Variants in PCDHA6 observed in about 807,000 individuals in gnomAD.
The protein encoded by PCDHA6 is protocadherin alpha 6.
A neutral mutation model predicts 60.3 loss-of-function variants in PCDHA6; 55 were observed. The observed-to-expected ratio is 0.91, with a 90% CI of 0.73 to 1.14. The LOEUF (loss-of-function observed/expected upper bound fraction) is 1.14, where lower values mean the gene tolerates loss of function less well. PCDHA6 is among the 50% of genes most tolerant of loss of function. The pLI is 0.00. For synonymous variants in PCDHA6, 652 were observed against 557.9 expected (o/e 1.17, Z -2.38); for missense variants, 1,327 against 1,256.5 (o/e 1.06, Z -0.85).
Position 140,842,399 on chromosome 5 carries a change from C to T in PCDHA6, c.2394+11914C>T, listed in dbSNP as rs2150335315. The T allele has an allele frequency of 1.9e-5, 30 of 1,611,330 alleles. No individual in the cohort carries two copies. The South Asian group carries it at 3.2e-4, about 17-fold the overall frequency. Reference sequence around the variant, plus strand: ...ACTGACTTCCTTATCCTTGCCTGTACGTGAAGACGCTCAATTTGGTACTGT... The same window carrying T: ...ACTGACTTCCTTATCCTTGCCTGTATGTGAAGACGCTCAATTTGGTACTGT... On this transcript the variant is annotated intron_variant, in intron 1 of 3. Transcript: ENST00000529310.
intron 1 of PCDHA6, chr5:140,859,616 C>G (rs978716581): frequency 6.2e-6 from 1 of 162,228 alleles, no homozygotes; most frequent in Non-Finnish European, 1.3e-5. Flanking sequence ...TCTTTCCTTT[C>G]TCTTTGAGTA....
intron 1 of PCDHA6, among the ~76,000 whole-genome samples, chr5:140,832,018 A>G (rs1771809703): frequency 6.6e-6 from 1 of 152,212 alleles, no homozygotes; most frequent in Admixed American, 6.6e-5. Context: ...TTACGTAAAG[A>G]TTGAATTTTT....
intron 1 of PCDHA6, chr5:140,870,834 C>G: frequency 6.2e-7 from 1 of 1,613,806 alleles, no homozygotes; most frequent in Non-Finnish European, 8.5e-7. Context: ...GCGCAGTTAA[C>G]AAGCTAGTAC....
chr5:140,997,018 A>AT (rs1162959481), intron 3 of PCDHA6, among the ~76,000 whole-genome samples: 3 of 151,882 alleles, frequency 2.0e-5, no homozygotes, highest in Admixed American at 1.3e-4. Flanking sequence ...ATCCTCCAAT[A>AT]TTTTTTTGAA....
At chr5:140,900,941 C>T (rs1241522274) in intron 1 of PCDHA6, among the ~76,000 whole-genome samples, 1 of 152,140 alleles carries the variant, frequency 6.6e-6, no homozygotes, top group African/African-American at 2.4e-5. Flanking sequence ...TTTTGATTTG[C>T]ATTTCTCTGA....
intron 1 of PCDHA6, chr5:140,869,239 G>A: frequency 6.2e-7 from 1 of 1,613,652 alleles, no homozygotes; most frequent in Non-Finnish European, 8.5e-7. Context: ...CACCTTCGTG[G>A]GCCGCATCGC....
intron 1 of PCDHA6, among the ~76,000 whole-genome samples, chr5:140,844,191 G>A (rs1554140562): frequency 6.7e-6 from 1 of 149,410 alleles, no homozygotes; most frequent in South Asian, 2.1e-4. Flanking sequence ...CATCTTATCT[G>A]ACTTTTTAGT....
At chr5:141,005,939 C>A (rs1183397075) in intron 3 of PCDHA6, among the ~76,000 whole-genome samples, 2 of 151,786 alleles carry the variant, frequency 1.3e-5, no homozygotes, top group Non-Finnish European at 2.9e-5. Flanking sequence ...AGAGTGAGAA[C>A]CTATCTCTAA....
At chr5:140,849,935 G>T (rs2150458512) in intron 1 of PCDHA6, 2 of 1,597,924 alleles carry the variant, frequency 1.3e-6, no homozygotes, top group African/African-American at 2.7e-5. Context: ...TGTCTGCGCG[G>T]GACGCTGACG....
chr5:140,867,344 C>G (rs2049899948), intron 1 of PCDHA6: 1 of 152,034 alleles, frequency 6.6e-6, no homozygotes, highest in South Asian at 2.1e-4. Flanking sequence ...TTAGAGGCTA[C>G]TATGATTGAT....
intron 1 of PCDHA6, among the ~76,000 whole-genome samples, chr5:140,940,440 G>T (rs1348385112): frequency 1.3e-5 from 2 of 151,928 alleles, no homozygotes; most frequent in Non-Finnish European, 2.9e-5. Flanking sequence ...AGTCTGCCAT[G>T]ATATTTTTTA....
Position 140,835,890 on chromosome 5 carries a change from G to C in PCDHA6, c.2394+5405G>C, listed in dbSNP as rs147416989. 5.6e-6 allele frequency: 9 copies of C among 1,611,850 alleles called. No individual in the cohort carries two copies. The Admixed American group carries it at 1.5e-4, about 27-fold the overall frequency. On this transcript the variant is annotated intron_variant, in intron 1 of 3. Transcript: ENST00000529310. The stretch of plus-strand genomic sequence containing the variant: ...GGTGGAGCTGCGGGTGGGCGAGCGC[G>C]CGCTGTCGAGCTACGTGTCAGTGCA...
At chr5:140,883,528 C>T in intron 1 of PCDHA6, 1 of 1,614,248 alleles carries the variant, frequency 6.2e-7, no homozygotes, top group South Asian at 1.1e-5. Flanking sequence ...GCGTATCAGC[C>T]TATGAACTGG....
chr5:140,939,607 A>G (rs1396731179), intron 1 of PCDHA6, among the ~76,000 whole-genome samples: 2 of 152,244 alleles, frequency 1.3e-5, no homozygotes, highest in Non-Finnish European at 2.9e-5. Flanking sequence ...CAAAAACAGA[A>G]CAAGGAGACA....
At chr5:140,844,393 C>A (rs1368832554) in intron 1 of PCDHA6, among the ~76,000 whole-genome samples, 1 of 149,238 alleles carries the variant, frequency 6.7e-6, no homozygotes. Context: ...ATTATTTAGA[C>A]CATTTTACCA....
chr5:140,871,176 G>A (rs782559553), intron 1 of PCDHA6: 12 of 1,613,416 alleles, frequency 7.4e-6, no homozygotes, highest in Non-Finnish European at 1.0e-5. Flanking sequence ...CAGAGGCTGC[G>A]CTGGTGGATG....
At chr5:140,884,260 G>C (rs781862611) in intron 1 of PCDHA6, 1 of 1,613,410 alleles carries the variant, frequency 6.2e-7, no homozygotes, top group Admixed American at 1.7e-5. Flanking sequence ...CCACGGCAAC[G>C]GTGCTGTTGT....
chr5:140,948,150 T>C (rs1477987526), intron 1 of PCDHA6, among the ~76,000 whole-genome samples: 2 of 151,642 alleles, frequency 1.3e-5, no homozygotes, highest in Non-Finnish European at 3.0e-5. Flanking sequence ...TTTTTGAATG[T>C]TGGAAAAAAC....
intron 1 of PCDHA6, chr5:140,847,658 T>C (rs1554141863): frequency 6.7e-6 from 1 of 149,650 alleles, no homozygotes; most frequent in East Asian, 1.9e-4. Context: ...TATTCATAGA[T>C]TATAAAGCTT....
Sources: allele counts gnomAD v4.1 joint callset (sites outside exome capture counted in the v4.1 genomes callset), GRCh38; gene constraint gnomAD v4.1.1; transcripts MANE v1.5; gene names NCBI Gene and HGNC (gene_info 2026-07-23, HGNC 2026-07-21).